The following ARID1B variants were observed in gnomAD, a reference collection of about 807,000 sequenced individuals.
The protein encoded by ARID1B is AT-rich interactive domain-containing protein 1B.
Under a neutral mutation model 212.3 loss-of-function variants are expected in ARID1B, and 30 were observed. That is an observed-to-expected ratio of 0.14 (90% CI 0.11 to 0.19). The LOEUF is 0.19. Ranked by LOEUF, ARID1B falls within the 10% of genes least tolerant of loss-of-function variation. The pLI is 1.00. For missense variants in ARID1B, 2,891 were observed against 3,204.0 expected, an observed-to-expected ratio of 0.90 and a Z score of 2.36; for synonymous variants, 1,402 against 1,301.7, an observed-to-expected ratio of 1.08 and a Z score of -1.66.
At chr6:156,902,138 A>C (rs1788995215) in intron 3 of ARID1B, 1 of 152,398 alleles carries the variant, frequency 6.6e-6, no homozygotes, top group South Asian at 2.1e-4. Context: ...TATATATTTC[A>C]GCTTACAGAA....
chr6:156,942,987 T>C (rs1316231096), intron 4 of ARID1B: 1 of 152,222 alleles, frequency 6.6e-6, no homozygotes, highest in Non-Finnish European at 1.5e-5. Context: ...GTTATTTGCT[T>C]TTATGTTTCT....
intron 15 of ARID1B, 97 bp from the exon 16 acceptor site, chr6:157,196,068 A>G (rs1055196075): frequency 1.3e-5 from 20 of 1,496,996 alleles, no homozygotes; most frequent in Non-Finnish European, 1.8e-5. Flanking sequence ...CAAAAAAAAG[A>G]AAAAGTCCAA....
chr6:157,141,703 A>T (rs1262643419), intron 7 of ARID1B, among the ~76,000 whole-genome samples: 2 of 152,172 alleles, frequency 1.3e-5, no homozygotes, highest in Non-Finnish European at 2.9e-5. Flanking sequence ...AATCCTCAAA[A>T]TTTTTTTCAT....
chr6:156,973,738 C>G (rs183454824), intron 4 of ARID1B, among the ~76,000 whole-genome samples: 38 of 152,316 alleles, frequency 2.5e-4, no homozygotes, highest in Middle Eastern at 3.4e-3. Flanking sequence ...AACGCCCCCA[C>G]TGTGTCCCTG....
intron 2 of ARID1B, among the ~76,000 whole-genome samples, chr6:156,846,232 GC>G (rs1384722859): frequency 6.6e-6 from 1 of 152,046 alleles, no homozygotes; most frequent in Admixed American, 6.6e-5. Flanking sequence ...TCCGCTCACT[GC>G]AACCTCCGCC....
At chr6:156,852,781 C>G (rs1583162506) in intron 2 of ARID1B, among the ~76,000 whole-genome samples, 1 of 152,194 alleles carries the variant, frequency 6.6e-6, no homozygotes, top group African/African-American at 2.4e-5. Flanking sequence ...ATATTAGCGA[C>G]CCCAGCTACA....
chr6:157,093,506 C>T (rs925649167), intron 5 of ARID1B, among the ~76,000 whole-genome samples: 1 of 152,188 alleles, frequency 6.6e-6, no homozygotes, highest in African/African-American at 2.4e-5. Flanking sequence ...TAATGAAGAA[C>T]AGAATTGGTT....
intron 6 of ARID1B, 25 bp from the exon 7 acceptor site, chr6:157,133,003 A>G (rs781035933): frequency 1.9e-6 from 3 of 1,584,984 alleles, no homozygotes; most frequent in Middle Eastern, 1.7e-4. Context: ...CTGCATTTAT[A>G]TGTTTCCATT....
chr6:156,860,920 C>CT (rs1785282987), intron 2 of ARID1B, among the ~76,000 whole-genome samples: 1 of 152,142 alleles, frequency 6.6e-6, no homozygotes, highest in Non-Finnish European at 1.5e-5. Flanking sequence ...GAGTTACTTG[C>CT]TTTTTTGTGC....
intron 5 of ARID1B, among the ~76,000 whole-genome samples, chr6:157,101,748 T>G (rs1786061450): frequency 1.3e-5 from 2 of 152,196 alleles, no homozygotes; most frequent in Admixed American, 6.5e-5. Flanking sequence ...CTTTAGCTCC[T>G]TCTTTCTTCA....
intron 7 of ARID1B, among the ~76,000 whole-genome samples, chr6:157,136,694 T>G (rs1344773278): frequency 1.3e-5 from 2 of 151,896 alleles, no homozygotes; most frequent in Non-Finnish European, 2.9e-5. Flanking sequence ...AAACACTGCC[T>G]CTACTAAAAG....
intron 5 of ARID1B, among the ~76,000 whole-genome samples, chr6:157,096,007 G>A (rs774029537): frequency 6.6e-5 from 10 of 152,166 alleles, no homozygotes; most frequent in South Asian, 2.1e-4. Context: ...ATGACTTTGC[G>A]TCAGATCTTT....
intron 2 of ARID1B, among the ~76,000 whole-genome samples, chr6:156,865,595 T>A (rs1042351345): frequency 1.3e-5 from 2 of 152,176 alleles, no homozygotes; most frequent in African/African-American, 4.8e-5. Context: ...GCTCTTAAGT[T>A]TTTTTTATCT....
intron 4 of ARID1B, chr6:157,036,543 A>G: frequency 3.5e-6 from 1 of 287,838 alleles, no homozygotes; most frequent in Non-Finnish European, 6.9e-6. Context: ...GATTCTACTC[A>G]CTCCCTGGAT....
rs907680081 is a variant in ARID1B at position 157,057,229 on chromosome 6, G to A, written c.2248-27433G>A. Among the ~76,000 whole-genome samples, 3 of 151,906 alleles carry A rather than the reference G, an allele frequency of 2.0e-5. No individual in the cohort carries two copies. In the East Asian group the frequency reaches 5.8e-4, roughly 29 times the overall value. On this transcript the variant is annotated intron_variant, in intron 4 of 19. Transcript: ENST00000636930. ...GCCAGGATGGTCTCAATCTCCTGAC[G>A]TCATGATCCACCAGCCTCAGCCTCC...
chr6:156,798,541 C>T (rs184552194), intron 1 of ARID1B, among the ~76,000 whole-genome samples: 48 of 152,368 alleles, frequency 3.2e-4, no homozygotes, highest in African/African-American at 1.1e-3. Context: ...GTGCTGCCCT[C>T]GCTCCTTGTT....
At chr6:156,922,950 A>G (rs1790928537) in intron 3 of ARID1B, among the ~76,000 whole-genome samples, 1 of 152,168 alleles carries the variant, frequency 6.6e-6, no homozygotes, top group African/African-American at 2.4e-5. Context: ...GTGTGCCGGA[A>G]GTAGTCTGCT....
intron 6 of ARID1B, among the ~76,000 whole-genome samples, chr6:157,115,352 T>C (rs1787254313): frequency 6.6e-6 from 1 of 152,220 alleles, no homozygotes; most frequent in Non-Finnish European, 1.5e-5. Context: ...TTACATAGTA[T>C]TGCCTCCTCT....
chr6:157,189,762 C>T lies in ARID1B; in HGVS notation c.4040C>T (p.Thr1347Ile), dbSNP rs1793227770. ...GCCTCCACCCCTCACGGCCAGATGACTCCAATGCAAGGTGGAAGGTATGTT... is the reference window on the plus strand; with the variant it reads ...GCCTCCACCCCTCACGGCCAGATGATTCCAATGCAAGGTGGAAGGTATGTT... ...TPASTPHGQM[T>I]PMQGGRSSTI... Residue 1347 changes from threonine (T) to isoleucine (I), a missense_variant, in exon 14 of 20, where the codon ACT becomes ATT. Coordinates refer to ENST00000636930, the MANE Select transcript of ARID1B (RefSeq NM_001374828.1). 8 of 1,613,936 alleles carry T rather than the reference C, an allele frequency of 5.0e-6. No homozygotes were observed. Among genetic ancestry groups the T allele is most frequent in the Non-Finnish European group, 6.8e-6 (8 of 1,179,978 alleles).
Sources: allele counts gnomAD v4.1 joint callset (sites outside exome capture counted in the v4.1 genomes callset), GRCh38; gene constraint gnomAD v4.1.1; transcripts MANE v1.5; gene names NCBI Gene and HGNC (gene_info 2026-07-23, HGNC 2026-07-21).